Variants in OLFM2 observed in about 807,000 individuals in gnomAD.
OLFM2 encodes olfactomedin 2, also known as noelin-2.
In OLFM2, 20 loss-of-function variants were observed where a neutral mutation model predicts 43.9. The observed-to-expected ratio is 0.46, with a 90% CI of 0.32 to 0.66. The LOEUF (loss-of-function observed/expected upper bound fraction) is 0.66. Among genes scored for constraint, OLFM2 ranks in the 30% least tolerant of loss-of-function variants. The probability of loss-of-function intolerance (pLI) is 0.04; values close to 1 mark genes in which losing one functional copy is unlikely to be tolerated. For missense variants in OLFM2, 416 were observed against 643.6 expected, an observed-to-expected ratio of 0.65 and a Z score of 3.83; for synonymous variants, 268 against 278.6, an observed-to-expected ratio of 0.96 and a Z score of 0.38.
At chr19:9,883,276 A>G (rs2046556502) in intron 1 of OLFM2, among the ~76,000 whole-genome samples, 1 of 151,420 alleles carries the variant, frequency 6.6e-6, no homozygotes, top group African/African-American at 2.4e-5. Flanking sequence ...AAACACAGGC[A>G]AAAATCCAAC....
At chr19:9,907,791 G>A (rs964522883) in intron 1 of OLFM2, among the ~76,000 whole-genome samples, 2 of 152,060 alleles carry the variant, frequency 1.3e-5, no homozygotes, top group South Asian at 2.1e-4. Flanking sequence ...ATCACTTGAG[G>A]TCGGGAGTTG....
intron 1 of OLFM2, among the ~76,000 whole-genome samples, chr19:9,877,394 G>A (rs906242846): frequency 1.3e-5 from 2 of 151,804 alleles, no homozygotes; most frequent in South Asian, 2.1e-4. Flanking sequence ...TTAGCCAGGC[G>A]TGGTGGCACA....
intron 1 of OLFM2, among the ~76,000 whole-genome samples, chr19:9,866,638 T>C (rs1254196786): frequency 2.0e-5 from 3 of 151,874 alleles, no homozygotes; most frequent in African/African-American, 7.3e-5. Context: ...CAGCTGGGAC[T>C]ACAGGCATGC....
chr19:9,907,314 G>A (rs7257267), intron 1 of OLFM2, among the ~76,000 whole-genome samples: 8,535 of 152,124 alleles, frequency 0.056, 663 homozygotes, highest in East Asian at 0.23. Flanking sequence ...AATTAGCTAG[G>A]CAGGGTGGCG....
intron 1 of OLFM2, among the ~76,000 whole-genome samples, chr19:9,878,218 C>T (rs1442643895): frequency 6.6e-6 from 1 of 151,956 alleles, no homozygotes; most frequent in Non-Finnish European, 1.5e-5. Flanking sequence ...ACATACGCAA[C>T]GTGATATTCA....
At chr19:9,921,418 T>G (rs1469201114) in intron 1 of OLFM2, among the ~76,000 whole-genome samples, 2 of 151,608 alleles carry the variant, frequency 1.3e-5, no homozygotes, top group Non-Finnish European at 1.5e-5. Flanking sequence ...TGCACCCAGC[T>G]AGGCAAAGGT....
At chr19:9,886,160 C>T (rs1467849241) in intron 1 of OLFM2, among the ~76,000 whole-genome samples, 2 of 151,992 alleles carry the variant, frequency 1.3e-5, no homozygotes, top group Non-Finnish European at 2.9e-5. Flanking sequence ...GGAACCCAAC[C>T]TAAGATGGGG....
chr19:9,860,558 CA>C (rs1297328026), intron 2 of OLFM2, 86 bp downstream of exon 2: 2 of 1,432,910 alleles, frequency 1.4e-6, no homozygotes, highest in Non-Finnish European at 1.9e-6. Context: ...TGGATATGGC[CA>C]CTGGCTGACC....
chr19:9,859,406 T>C (rs1303617619), intron 2 of OLFM2, among the ~76,000 whole-genome samples: 1 of 152,114 alleles, frequency 6.6e-6, no homozygotes, highest in East Asian at 1.9e-4. Flanking sequence ...AACCTCCACC[T>C]CCCGGGTTCA....
intron 1 of OLFM2, among the ~76,000 whole-genome samples, chr19:9,872,948 T>C (rs2046455606): frequency 6.6e-6 from 1 of 152,206 alleles, no homozygotes; most frequent in South Asian, 2.1e-4. Flanking sequence ...ACTTAACACT[T>C]GTAGAGCTCG....
intron 1 of OLFM2, among the ~76,000 whole-genome samples, chr19:9,864,203 AT>A (rs780558947): frequency 1.3e-5 from 2 of 152,244 alleles, no homozygotes; most frequent in Non-Finnish European, 2.9e-5. Flanking sequence ...TCGAAGGTGT[AT>A]GTTCATGAAA....
chr19:9,907,687 G>A (rs1160538890), intron 1 of OLFM2, among the ~76,000 whole-genome samples: 1 of 152,016 alleles, frequency 6.6e-6, no homozygotes, highest in Non-Finnish European at 1.5e-5. Context: ...GAGACATGGA[G>A]AGACAGACAT....
intron 1 of OLFM2, among the ~76,000 whole-genome samples, chr19:9,931,445 G>A (rs1377782336): frequency 2.0e-5 from 3 of 152,060 alleles, no homozygotes; most frequent in African/African-American, 4.8e-5. Flanking sequence ...GCTCACGCCT[G>A]TAATCCCAGC....
At chr19:9,914,139 C>T (rs528135147) in intron 1 of OLFM2, among the ~76,000 whole-genome samples, 1 of 152,090 alleles carries the variant, frequency 6.6e-6, no homozygotes, top group South Asian at 2.1e-4. Context: ...CACGCAGACC[C>T]TCTTCGAGCC....
chr19:9,889,116 G>A (rs1047048185), intron 1 of OLFM2, among the ~76,000 whole-genome samples: 6 of 151,990 alleles, frequency 3.9e-5, no homozygotes, highest in East Asian at 1.9e-4. Flanking sequence ...AGGAACTCTC[G>A]GTGTGCCCCT....
chr19:9,895,578 C>CT (rs2046676553), intron 1 of OLFM2, among the ~76,000 whole-genome samples: 1 of 151,900 alleles, frequency 6.6e-6, no homozygotes, highest in African/African-American at 2.4e-5. Flanking sequence ...CTCAATCTAC[C>CT]TTTTTTCTTG....
At position 9,922,177 on chromosome 19, in the gene OLFM2, A is replaced by C. The variant is rs542379546; in HGVS notation, c.63+14127T>G. Among the ~76,000 whole-genome samples the C allele has an allele frequency of 2.4e-4, 36 of 152,300 alleles. No homozygotes were observed. In the South Asian group the frequency reaches 7.2e-3, roughly 31 times the overall value. The stretch of plus-strand genomic sequence containing the variant: ...CTAAGAGAATGAAAAGAAAAGCTAC[A>C]GAGAAGATATTTGCAGTCATTATGT... On this transcript the variant is annotated intron_variant, in intron 1 of 5. Transcript: ENST00000264833.
chr19:9,908,581 C>A (rs981603866), intron 1 of OLFM2, among the ~76,000 whole-genome samples: 2 of 150,022 alleles, frequency 1.3e-5, no homozygotes, highest in Non-Finnish European at 2.9e-5. Flanking sequence ...TGGGTTCACG[C>A]CATTCTCCTG....
intron 1 of OLFM2, among the ~76,000 whole-genome samples, chr19:9,921,584 G>C (rs1430050774): frequency 1.3e-5 from 2 of 151,982 alleles, no homozygotes; most frequent in Non-Finnish European, 2.9e-5. Context: ...TGCCTCCCGG[G>C]CTCATGCCAT....
Sources: gnomAD v4.1 joint callset for allele counts (sites outside exome capture counted in the v4.1 genomes callset) on GRCh38, gnomAD v4.1.1 for gene constraint, MANE v1.5 for transcripts, NCBI Gene and HGNC (gene_info 2026-07-23, HGNC 2026-07-21) for gene names.